Variants in ARID4B observed in about 807,000 individuals in gnomAD.
The protein encoded by ARID4B is AT-rich interactive domain-containing protein 4B.
In ARID4B, 26 loss-of-function variants were observed where a neutral mutation model predicts 147.5. That is an observed-to-expected ratio of 0.18 (90% CI 0.13 to 0.24). The LOEUF is 0.24. ARID4B is among the 10% of genes least tolerant of loss of function. The pLI is 1.00. For synonymous variants in ARID4B, 512 were observed against 507.9 expected, an observed-to-expected ratio of 1.01 and a Z score of -0.11; for missense variants, 1,179 against 1,511.5, an observed-to-expected ratio of 0.78 and a Z score of 3.65.
intron 9 of ARID4B, 39 bp from the exon 10 acceptor site, chr1:235,231,228 C>G: frequency 9.5e-7 from 1 of 1,054,716 alleles, no homozygotes. Context: ...GAAAAAAAAC[C>G]CAAAATATGA....
At chr1:235,242,227 G>A (rs1406277364) in intron 7 of ARID4B, among the ~76,000 whole-genome samples, 4 of 147,328 alleles carry the variant, frequency 2.7e-5, no homozygotes, top group African/African-American at 7.6e-5. Context: ...CAGCCTGGGC[G>A]ACAGAGTGAG....
chr1:235,293,470 G>C (rs1672476004), intron 2 of ARID4B, among the ~76,000 whole-genome samples: 2 of 152,086 alleles, frequency 1.3e-5, no homozygotes, highest in Non-Finnish European at 2.9e-5. Flanking sequence ...TTTCTTAAAA[G>C]CATTAACAGC....
chr1:235,175,558 G>A (rs1486194223), intron 21 of ARID4B, 159 bp from the exon 22 acceptor site: 2 of 626,002 alleles, frequency 3.2e-6, no homozygotes, highest in Admixed American at 3.1e-5. Flanking sequence ...AGCATCTTAG[G>A]AAAAGCAAAA....
At chr1:235,246,575 A>T in intron 6 of ARID4B, 64 bp from the exon 7 acceptor site, 1 of 1,154,296 alleles carries the variant, frequency 8.7e-7, no homozygotes, top group Non-Finnish European at 1.3e-6. Context: ...TTTGTTTTAA[A>T]CCAAATCAAT....
chr1:235,237,331 G>A (rs1272320347), intron 8 of ARID4B, among the ~76,000 whole-genome samples: 4 of 151,780 alleles, frequency 2.6e-5, no homozygotes, highest in Admixed American at 1.3e-4. Flanking sequence ...TCTCTACATC[G>A]GGATAAATAA....
At chr1:235,252,699 A>G (rs1669720340) in intron 6 of ARID4B, 31 bp downstream of exon 6, 1 of 1,584,526 alleles carries the variant, frequency 6.3e-7, no homozygotes, top group Non-Finnish European at 8.6e-7. Flanking sequence ...AAAAATATTA[A>G]GACATGTTCA....
chr1:235,288,567 A>G (rs1387401048), intron 2 of ARID4B, among the ~76,000 whole-genome samples: 1 of 152,186 alleles, frequency 6.6e-6, no homozygotes, highest in African/African-American at 2.4e-5. Context: ...CTGTCGAATT[A>G]ATTTTGTGCT....
At chr1:235,300,418 T>TA (rs34888924) in intron 2 of ARID4B, among the ~76,000 whole-genome samples, 227 of 143,618 alleles carry the variant, frequency 1.6e-3, no homozygotes, top group Middle Eastern at 3.6e-3. Context: ...CTCCGTCTCA[T>TA]AAAAAAAAAA....
intron 2 of ARID4B, among the ~76,000 whole-genome samples, chr1:235,269,448 C>T (rs1670827034): frequency 6.6e-6 from 1 of 152,064 alleles, no homozygotes; most frequent in African/African-American, 2.4e-5. Context: ...GTATATCTGC[C>T]AAGAGTAACT....
Position 235,167,309 on chromosome 1 carries a change from T to G in ARID4B, c.*1216A>C. 1 of 219,846 alleles carries G rather than the reference T, an allele frequency of 4.5e-6. No homozygotes were observed. The highest frequency in any genetic ancestry group is 6.7e-5 in the East Asian group (1 of 14,866). 13.6% of individuals were successfully genotyped at this position (219,846 alleles called of 1,614,324 possible). ...TAAAACAGTCTGTACAATAAAGTAC[T>G]GTGTATTAACAGTGCCAGATATTAA... On this transcript the variant is annotated 3_prime_UTR_variant, in exon 24 of 24. Transcript: ENST00000264183.
intron 2 of ARID4B, among the ~76,000 whole-genome samples, chr1:235,322,054 G>GTAT (rs1158007222): frequency 2.0e-5 from 3 of 150,690 alleles, no homozygotes; most frequent in Non-Finnish European, 4.4e-5. Context: ...TTGAGACAGA[G>GTAT]TATTGCTCTT....
intron 2 of ARID4B, among the ~76,000 whole-genome samples, chr1:235,299,176 G>A (rs532979048): frequency 6.2e-4 from 94 of 152,262 alleles, no homozygotes; most frequent in African/African-American, 2.2e-3. Flanking sequence ...ATGTACATAA[G>A]AAGCTTTTTG....
At position 235,167,817 on chromosome 1, in the gene ARID4B, T is replaced by C. The variant is rs527370167; in HGVS notation, c.*708A>G. 1 of 194,774 alleles carries C rather than the reference T, an allele frequency of 5.1e-6. No individual in the cohort carries two copies. Among genetic ancestry groups the C allele is most frequent in the East Asian group, 8.2e-5 (1 of 12,208 alleles). 12.1% of individuals were successfully genotyped at this position (194,774 alleles called of 1,614,324 possible). A position where few individuals can be genotyped will look rare whatever the true frequency, so the allele number is the denominator to read the frequency against. On this transcript the variant is annotated 3_prime_UTR_variant, in exon 24 of 24. Transcript: ENST00000264183. The stretch of plus-strand genomic sequence containing the variant: ...CCATTTTCTTTTTTCACACAATGTA[T>C]ATCAAAATTAAAAAAAAATACTGAT...
chr1:235,287,213 C>A (rs964206895), intron 2 of ARID4B, among the ~76,000 whole-genome samples: 8 of 152,072 alleles, frequency 5.3e-5, no homozygotes, highest in African/African-American at 1.9e-4. Flanking sequence ...GAGCCAAGAT[C>A]GTGCCACTGC....
chr1:235,178,504 G>T (rs1027097935), intron 20 of ARID4B, among the ~76,000 whole-genome samples: 7 of 151,836 alleles, frequency 4.6e-5, no homozygotes, highest in African/African-American at 1.7e-4. Flanking sequence ...TCATCTTCTT[G>T]GTGGGAAATT....
At chr1:235,236,842 A>ATATATATATATATATATGTG (rs1558233498) in intron 8 of ARID4B, among the ~76,000 whole-genome samples, 2 of 31,732 alleles carry the variant, frequency 6.3e-5, no homozygotes, top group Non-Finnish European at 1.3e-4. Flanking sequence ...AAATATATAT[A>ATATATATATATATATATGTG]TATATATATA....
Position 235,224,575 on chromosome 1 carries a change from C to G in ARID4B, c.970+128G>C, listed in dbSNP as rs1482411787. The stretch of plus-strand genomic sequence containing the variant: ...GCGCTATGCTAGGTGCTGGTGATAT[C>G]AGAGTCAAAAAGACAGCCATAATTA... On this transcript the variant is annotated intron_variant, in intron 12 of 23. Coordinates refer to ENST00000264183, the MANE Select transcript of ARID4B (RefSeq NM_016374.6). The G allele has an allele frequency of 2.5e-5, 17 of 678,006 alleles. No individual in the cohort carries two copies. In the East Asian group the frequency reaches 3.9e-4, roughly 16 times the overall value. The allele number at this position is 678,006 out of a possible 1,614,324, so 42.0% of individuals were successfully genotyped here.
chr1:235,249,553 T>C (rs906626801), intron 6 of ARID4B, among the ~76,000 whole-genome samples: 2 of 150,456 alleles, frequency 1.3e-5, no homozygotes, highest in African/African-American at 4.9e-5. Flanking sequence ...CTCAGCACTT[T>C]GGGAGGCCAA....
intron 4 of ARID4B, among the ~76,000 whole-genome samples, chr1:235,256,347 G>A (rs1032171265): frequency 5.9e-5 from 9 of 152,144 alleles, no homozygotes; most frequent in South Asian, 2.1e-4. Flanking sequence ...AGACTACACC[G>A]TGAGTACCAC....
Sources: gnomAD v4.1 joint callset for allele counts (sites outside exome capture counted in the v4.1 genomes callset) on GRCh38, gnomAD v4.1.1 for gene constraint, MANE v1.5 for transcripts, NCBI Gene and HGNC (gene_info 2026-07-23, HGNC 2026-07-21) for gene names.